QTMAN: variants seen among roughly 807,000 people sequenced by gnomAD.
The protein encoded by QTMAN is queuosine-tRNA mannosyltransferase.
chr2:144,092,870 G>GTGTGTGTGTGTGTGTGT, the QTMAN span, among the ~76,000 whole-genome samples: 9 of 140,644 alleles, frequency 6.4e-5, no homozygotes, highest in African/African-American at 2.1e-4. Flanking sequence ...AAACTTTTGG[G>GTGTGTGTGTGTGTGTGT]GTGTGTGTGT....
the QTMAN span, among the ~76,000 whole-genome samples, chr2:144,308,544 A>G: frequency 6.6e-6 from 1 of 152,102 alleles, no homozygotes; most frequent in Non-Finnish European, 1.5e-5. Context: ...ACAAACCTTG[A>G]TCCTTACCGC....
chr2:144,141,747 G>T, the QTMAN span: 1 of 606,292 alleles, frequency 1.6e-6, no homozygotes, highest in East Asian at 2.7e-5. Context: ...ATCACAGCAT[G>T]GTGAGATAGA....
chr2:144,203,182 TGTGTGTGTGC>T, the QTMAN span, among the ~76,000 whole-genome samples: 10 of 148,816 alleles, frequency 6.7e-5, no homozygotes, highest in African/African-American at 2.5e-4. Flanking sequence ...TGTGTGTGTG[TGTGTGTGTGC>T]ACGTGCGCAC....
At chr2:144,248,283 TA>T in the QTMAN span, among the ~76,000 whole-genome samples, 10 of 152,084 alleles carry the variant, frequency 6.6e-5, no homozygotes, top group Middle Eastern at 3.4e-3. Context: ...TATTATAAAA[TA>T]AAAAAATGAC....
chr2:143,990,729 T>C, the QTMAN span, among the ~76,000 whole-genome samples: 3 of 152,020 alleles, frequency 2.0e-5, no homozygotes, highest in East Asian at 1.9e-4. Context: ...CCAAAAAATA[T>C]AGGCTCGTGA....
At chr2:144,180,559 T>C in the QTMAN span, among the ~76,000 whole-genome samples, 5 of 152,118 alleles carry the variant, frequency 3.3e-5, no homozygotes, top group Non-Finnish European at 7.4e-5. Context: ...TGAAGCTAAA[T>C]AGGAAGTTCT....
chr2:144,167,579 G>C, the QTMAN span, among the ~76,000 whole-genome samples: 1 of 152,188 alleles, frequency 6.6e-6, no homozygotes, highest in East Asian at 1.9e-4. Flanking sequence ...AGTCCAAGGA[G>C]ATCTGATGGT....
the QTMAN span, among the ~76,000 whole-genome samples, chr2:144,076,444 A>C: frequency 3.9e-5 from 6 of 152,180 alleles, no homozygotes; most frequent in Non-Finnish European, 8.8e-5. Flanking sequence ...AAAAAGAGCA[A>C]GCAAATGCCA....
At chr2:144,308,448 A>G in the QTMAN span, among the ~76,000 whole-genome samples, 1 of 151,756 alleles carries the variant, frequency 6.6e-6, no homozygotes, top group African/African-American at 2.4e-5. Context: ...TACAGGCGTG[A>G]GCCACCATGC....
chr2:144,152,097 C>G, the QTMAN span, among the ~76,000 whole-genome samples: 3 of 152,302 alleles, frequency 2.0e-5, no homozygotes, highest in Admixed American at 2.0e-4. Context: ...GCTGTCTCAT[C>G]ATGTGGCATC....
chr2:144,048,548 A>G, the QTMAN span, among the ~76,000 whole-genome samples: 1 of 152,226 alleles, frequency 6.6e-6, no homozygotes, highest in Admixed American at 6.5e-5. Context: ...ATATAAAAAG[A>G]GTATCACATT....
the QTMAN span, among the ~76,000 whole-genome samples, chr2:144,038,870 CACA>C: frequency 2.0e-5 from 3 of 152,108 alleles, no homozygotes. Context: ...TAATATTAAA[CACA>C]ACATGTAGAA....
chr2:144,063,855 G>C, the QTMAN span, among the ~76,000 whole-genome samples: 148 of 152,206 alleles, frequency 9.7e-4, no homozygotes, highest in African/African-American at 3.2e-3. Context: ...CCAAATTCTG[G>C]GTGTGCCTAA....
the QTMAN span, among the ~76,000 whole-genome samples, chr2:144,222,464 T>C: frequency 1.3e-5 from 2 of 151,778 alleles, no homozygotes; most frequent in Non-Finnish European, 2.9e-5. Context: ...GTGAAGGAAA[T>C]TGAAAAGGAC....
the QTMAN span, among the ~76,000 whole-genome samples, chr2:144,045,499 A>C: frequency 6.6e-6 from 1 of 152,202 alleles, no homozygotes; most frequent in Non-Finnish European, 1.5e-5. Flanking sequence ...CGGTGCATCA[A>C]CTAGAAGGCA....
the QTMAN span, among the ~76,000 whole-genome samples, chr2:143,991,466 C>T: frequency 1.4e-5 from 2 of 147,248 alleles, no homozygotes; most frequent in Non-Finnish European, 3.0e-5. Context: ...CCAGCCGCCC[C>T]GTCCGGGAGG....
the QTMAN span, among the ~76,000 whole-genome samples, chr2:144,114,677 G>C: frequency 1.5e-5 from 2 of 137,368 alleles, no homozygotes; most frequent in Admixed American, 1.6e-4. Context: ...CATGAGTAGT[G>C]CCCACACTAC....
chr2:144,120,114 A>C, the QTMAN span, among the ~76,000 whole-genome samples: 8 of 152,354 alleles, frequency 5.3e-5, no homozygotes, highest in African/African-American at 1.9e-4. Flanking sequence ...TTTGTGGTAT[A>C]TAATAAATAT....
the QTMAN span, among the ~76,000 whole-genome samples, chr2:144,266,085 C>T: frequency 6.6e-6 from 1 of 152,030 alleles, no homozygotes; most frequent in Admixed American, 6.6e-5. Flanking sequence ...GAGAAAATAA[C>T]CAGCTAAGAA....
Sources: allele counts gnomAD v4.1 joint callset (sites outside exome capture counted in the v4.1 genomes callset), GRCh38; gene constraint gnomAD v4.1.1; transcripts MANE v1.5; gene names NCBI Gene and HGNC (gene_info 2026-07-23, HGNC 2026-07-21).